MGAT4C: variants seen among roughly 807,000 people sequenced by gnomAD.
The protein encoded by MGAT4C is alpha-1,3-mannosyl-glycoprotein 4-beta-N-acetylglucosaminyltransferase C.
Under a neutral mutation model 40.1 loss-of-function variants are expected in MGAT4C, and 19 were observed. The ratio of observed to expected loss-of-function variants is 0.47; its 90% confidence interval spans 0.33 to 0.70. The LOEUF is 0.70. Ranked by LOEUF, MGAT4C falls within the 30% of genes least tolerant of loss-of-function variation. MGAT4C has a pLI of 0.02. For synonymous variants in MGAT4C, 181 were observed against 187.1 expected (o/e 0.97, Z 0.27); for missense variants, 491 against 563.2 (o/e 0.87, Z 1.30).
intron 2 of MGAT4C, among the ~76,000 whole-genome samples, chr12:86,537,724 A>G (rs1376389957): frequency 1.3e-5 from 2 of 152,154 alleles, no homozygotes; most frequent in Admixed American, 1.3e-4. Context: ...TATTCTTGAC[A>G]TTGATGATTC....
intron 1 of MGAT4C, among the ~76,000 whole-genome samples, chr12:86,062,842 C>T (rs1379935818): frequency 6.6e-6 from 1 of 151,728 alleles, no homozygotes; most frequent in Non-Finnish European, 1.5e-5. Context: ...TGAAAAAGAA[C>T]AAACAAAGCC....
At chr12:86,306,492 G>T (rs948357649) in intron 4 of MGAT4C, among the ~76,000 whole-genome samples, 2 of 150,534 alleles carry the variant, frequency 1.3e-5, no homozygotes, top group East Asian at 1.9e-4. Flanking sequence ...TTCTAAAAGA[G>T]ACAAAATTAA....
intron 2 of MGAT4C, among the ~76,000 whole-genome samples, chr12:86,644,740 C>A (rs1160051096): frequency 6.6e-6 from 1 of 151,510 alleles, no homozygotes. Context: ...ATATGAATAG[C>A]ATATAAAAAT....
At chr12:86,573,509 G>T (rs1228093959) in intron 2 of MGAT4C, among the ~76,000 whole-genome samples, 3 of 151,932 alleles carry the variant, frequency 2.0e-5, no homozygotes, top group Non-Finnish European at 4.4e-5. Context: ...TTTAGTTAGT[G>T]ACGTAATTTT....
At chr12:86,135,977 C>A (rs1056064563) in intron 1 of MGAT4C, among the ~76,000 whole-genome samples, 1 of 152,062 alleles carries the variant, frequency 6.6e-6, no homozygotes, top group East Asian at 1.9e-4. Context: ...TAATTTTGTT[C>A]ATTTGGACTA....
chr12:86,334,701 C>T (rs1404427612), intron 3 of MGAT4C, among the ~76,000 whole-genome samples: 1 of 151,940 alleles, frequency 6.6e-6, no homozygotes, highest in Non-Finnish European at 1.5e-5. Flanking sequence ...TTTATAGCCG[C>T]AATAATTTAA....
At chr12:86,350,408 G>A (rs1955132762) in intron 3 of MGAT4C, among the ~76,000 whole-genome samples, 1 of 152,080 alleles carries the variant, frequency 6.6e-6, no homozygotes, top group Non-Finnish European at 1.5e-5. Flanking sequence ...ATGGTACAAG[G>A]CAGGTGTGCA....
At chr12:86,828,509 A>C (rs1405084799) in intron 1 of MGAT4C, among the ~76,000 whole-genome samples, 2 of 151,470 alleles carry the variant, frequency 1.3e-5, no homozygotes, top group African/African-American at 4.8e-5. Flanking sequence ...AATTAATTTG[A>C]ACATTAGTTG....
chr12:86,537,071 AG>A (rs1959084288), intron 2 of MGAT4C, among the ~76,000 whole-genome samples: 1 of 152,110 alleles, frequency 6.6e-6, no homozygotes, highest in African/African-American at 2.4e-5. Flanking sequence ...CTTTGTAGGG[AG>A]GACATGGATG....
intron 4 of MGAT4C, among the ~76,000 whole-genome samples, chr12:86,309,111 G>C (rs1223541448): frequency 2.0e-5 from 3 of 150,612 alleles, no homozygotes; most frequent in Non-Finnish European, 4.4e-5. Flanking sequence ...GTATTCAGAT[G>C]ATTACCACTG....
chr12:86,306,883 A>G (rs866317170), intron 4 of MGAT4C, among the ~76,000 whole-genome samples: 7 of 150,592 alleles, frequency 4.6e-5, no homozygotes, highest in African/African-American at 1.7e-4. Flanking sequence ...AGCAAAATAT[A>G]AATTAGGTAC....
At chr12:86,330,454 C>A (rs1030136215) in intron 4 of MGAT4C, among the ~76,000 whole-genome samples, 1 of 152,112 alleles carries the variant, frequency 6.6e-6, no homozygotes, top group African/African-American at 2.4e-5. Flanking sequence ...GGAGTGCCAG[C>A]CAGAAATCTT....
intron 2 of MGAT4C, among the ~76,000 whole-genome samples, chr12:86,703,167 G>A (rs917276815): frequency 2.0e-5 from 3 of 152,076 alleles, no homozygotes; most frequent in Admixed American, 6.6e-5. Context: ...TGCTTCTTAC[G>A]GATGAACAAA....
intron 3 of MGAT4C, among the ~76,000 whole-genome samples, chr12:86,406,608 A>G (rs2136241075): frequency 6.6e-6 from 1 of 152,220 alleles, no homozygotes; most frequent in Middle Eastern, 3.4e-3. Flanking sequence ...AACAGTGACA[A>G]TAGCAAAAGT....
At chr12:86,759,530 C>T (rs948879879) in intron 1 of MGAT4C, among the ~76,000 whole-genome samples, 5 of 152,108 alleles carry the variant, frequency 3.3e-5, no homozygotes, top group South Asian at 2.1e-4. Flanking sequence ...CTTTTCTCCA[C>T]ATCCTTACTA....
At chr12:86,689,142 A>G (rs1341002431) in intron 2 of MGAT4C, among the ~76,000 whole-genome samples, 1 of 152,146 alleles carries the variant, frequency 6.6e-6, no homozygotes, top group Non-Finnish European at 1.5e-5. Flanking sequence ...TCATCTGTTG[A>G]TACCTGTGTA....
chr12:86,588,395 T>C (rs1019109936), intron 2 of MGAT4C, among the ~76,000 whole-genome samples: 1 of 151,872 alleles, frequency 6.6e-6, no homozygotes, highest in African/African-American at 2.4e-5. Flanking sequence ...GCACCCAGAT[T>C]CATAAAGCAA....
chr12:86,501,783 TGA>T (rs1479869294), intron 2 of MGAT4C, among the ~76,000 whole-genome samples: 4 of 152,110 alleles, frequency 2.6e-5, no homozygotes, highest in Non-Finnish European at 5.9e-5. Context: ...TTTGCTATTG[TGA>T]ATAGTGCTGC....
chr12:86,489,381 G>A (rs1377634408), intron 2 of MGAT4C, among the ~76,000 whole-genome samples: 1 of 152,092 alleles, frequency 6.6e-6, no homozygotes, highest in African/African-American at 2.4e-5. Flanking sequence ...ACCTCTGAGA[G>A]ACCTCTGGGC....
Sources: gnomAD v4.1 joint callset for allele counts (sites outside exome capture counted in the v4.1 genomes callset) on GRCh38, gnomAD v4.1.1 for gene constraint, MANE v1.5 for transcripts, NCBI Gene and HGNC (gene_info 2026-07-23, HGNC 2026-07-21) for gene names.